Variants in SRGAP1 observed in about 807,000 individuals in gnomAD.
SRGAP1 encodes SLIT-ROBO Rho GTPase activating protein 1.
In SRGAP1, 43 loss-of-function variants were observed where a neutral mutation model predicts 121.9. That is an observed-to-expected ratio of 0.35 (90% CI 0.28 to 0.46). The LOEUF is 0.46. Ranked by LOEUF, SRGAP1 falls within the 20% of genes least tolerant of loss-of-function variation. SRGAP1 has a pLI of 1.00. For synonymous variants in SRGAP1, 447 were observed against 485.4 expected (o/e 0.92, Z 1.04); for missense variants, 1,102 against 1,350.9 (o/e 0.82, Z 2.89).
chr12:64,003,301 G>C (rs1017072246), intron 3 of SRGAP1, among the ~76,000 whole-genome samples: 24 of 151,932 alleles, frequency 1.6e-4, no homozygotes, highest in Admixed American at 1.2e-3. Flanking sequence ...TGCCCAGGCT[G>C]GTCTTGAACT....
intron 1 of SRGAP1, among the ~76,000 whole-genome samples, chr12:63,946,255 T>C (rs1185760471): frequency 6.6e-6 from 1 of 152,066 alleles, no homozygotes; most frequent in African/African-American, 2.4e-5. Flanking sequence ...TGGCCTTAAT[T>C]ATATCTATTT....
rs141967097 is a variant in SRGAP1, at chr12:64,027,856, C to T, written c.489+10844C>T. Among the ~76,000 whole-genome samples the T allele has an allele frequency of 2.0e-3, 303 of 151,554 alleles. 2 individuals are homozygous for T. The highest frequency in any genetic ancestry group is 7.0e-3 in the African/African-American group (288 of 40,954). ...CGAACCACTTTTCATTAAAAGAAAA[C>T]GATTCCATAGCAGCCTTTCCATTTT... On this transcript the variant is annotated intron_variant, in intron 4 of 21. Coordinates refer to ENST00000355086, the MANE Select transcript of SRGAP1 (RefSeq NM_020762.4).
chr12:64,130,510 C>G (rs536058430), intron 21 of SRGAP1, among the ~76,000 whole-genome samples: 2 of 152,178 alleles, frequency 1.3e-5, no homozygotes, highest in Non-Finnish European at 2.9e-5. Context: ...AGAAACTGCA[C>G]CATGTATTGG....
At chr12:64,048,854 A>G (rs2035184273) in intron 6 of SRGAP1, among the ~76,000 whole-genome samples, 1 of 151,794 alleles carries the variant, frequency 6.6e-6, no homozygotes, top group African/African-American at 2.4e-5. Flanking sequence ...CAAATTTTAG[A>G]TTTTTTCCTA....
At position 64,156,900 on chromosome 12, in the gene SRGAP1, G is replaced by A. The variant is rs1228834383; in HGVS notation, c.*14228G>A. 1 of 152,200 alleles carries A rather than the reference G, an allele frequency of 6.6e-6. No individual in the cohort carries two copies. Among genetic ancestry groups the A allele is most frequent in the African/African-American group, 2.4e-5 (1 of 41,452 alleles). 9.4% of individuals were successfully genotyped at this position (152,200 alleles called of 1,614,324 possible). On this transcript the variant is annotated 3_prime_UTR_variant, in exon 22 of 22. Coordinates refer to ENST00000355086, the MANE Select transcript of SRGAP1 (RefSeq NM_020762.4). Reference sequence around the variant, plus strand: ...AGGAAAGATTACCTTCTCTGAAGAAGTGATAGGGGGAATAAGGCATAAAAT... The same window carrying A: ...AGGAAAGATTACCTTCTCTGAAGAAATGATAGGGGGAATAAGGCATAAAAT...
intron 1 of SRGAP1, among the ~76,000 whole-genome samples, chr12:63,866,559 A>G (rs1899639429): frequency 6.6e-6 from 1 of 152,232 alleles, no homozygotes; most frequent in Non-Finnish European, 1.5e-5. Context: ...GTGTATTCCA[A>G]TATCAGACAG....
intron 1 of SRGAP1, among the ~76,000 whole-genome samples, chr12:63,937,059 A>T (rs1434534437): frequency 6.6e-6 from 1 of 152,180 alleles, no homozygotes; most frequent in Non-Finnish European, 1.5e-5. Context: ...GGAGCTAGGG[A>T]TCCAAAGCAG....
intron 18 of SRGAP1, 33 bp from the exon 19 acceptor site, chr12:64,125,944 G>A (rs2136635927): frequency 6.2e-7 from 1 of 1,603,870 alleles, no homozygotes; most frequent in East Asian, 2.2e-5. Context: ...TAACAACCCT[G>A]TTTCTCGCTG....
intron 1 of SRGAP1, among the ~76,000 whole-genome samples, chr12:63,968,783 G>T (rs191586371): frequency 3.6e-4 from 55 of 152,342 alleles, no homozygotes; most frequent in Admixed American, 1.3e-4. Flanking sequence ...TGTGCTGTTG[G>T]CATTCAGGAG....
At position 64,156,366 on chromosome 12, in the gene SRGAP1, T is replaced by G. The variant is rs184869105; in HGVS notation, c.*13694T>G. ...ATAAATTTGTAGATGTTAATATGAT[T>G]TACTTATTTGCAATTTTCATAGCTA... On this transcript the variant is annotated 3_prime_UTR_variant, in exon 22 of 22. Transcript: ENST00000355086. 2.1e-4 allele frequency: 32 copies of G among 152,354 alleles called. No homozygotes were observed. The highest frequency in any genetic ancestry group is 4.0e-4 in the Non-Finnish European group (27 of 68,040). The allele number at this position is 152,354 out of a possible 1,614,324, so 9.4% of individuals were successfully genotyped here.
At chr12:64,028,114 C>T (rs1276239705) in intron 4 of SRGAP1, among the ~76,000 whole-genome samples, 1 of 152,168 alleles carries the variant, frequency 6.6e-6, no homozygotes, top group Non-Finnish European at 1.5e-5. Context: ...ATGTGCTTTC[C>T]CCTTCAACAC....
rs2037143161 is a variant in SRGAP1, at chr12:64,153,858, A to G, written c.*11186A>G. The G allele has an allele frequency of 6.6e-6, 1 of 152,258 alleles. No individual in the cohort carries two copies. The highest frequency in any genetic ancestry group is 2.1e-4 in the South Asian group (1 of 4,836). 9.4% of individuals were successfully genotyped at this position (152,258 alleles called of 1,614,324 possible). A position where few individuals can be genotyped will look rare whatever the true frequency, so the allele number is the denominator to read the frequency against. On this transcript the variant is annotated 3_prime_UTR_variant, in exon 22 of 22. Coordinates refer to ENST00000355086, the MANE Select transcript of SRGAP1 (RefSeq NM_020762.4). ...AAGAGATATTTGCACACTCATGTTCACGCAGCTTAATTCACAATAGCCACA... is the reference window on the plus strand; with the variant it reads ...AAGAGATATTTGCACACTCATGTTCGCGCAGCTTAATTCACAATAGCCACA...
chr12:63,878,742 T>G (rs1471186787), intron 1 of SRGAP1: 1 of 152,244 alleles, frequency 6.6e-6, no homozygotes, highest in Non-Finnish European at 1.5e-5. Context: ...GCTTTACAGT[T>G]GGATAGTCTG....
intron 1 of SRGAP1, among the ~76,000 whole-genome samples, chr12:63,847,355 T>C (rs1376244531): frequency 3.3e-5 from 5 of 151,756 alleles, no homozygotes; most frequent in Non-Finnish European, 5.9e-5. Context: ...GTATATGTAT[T>C]TGGAACAAAC....
chr12:64,034,525 C>A (rs144474031), intron 4 of SRGAP1, among the ~76,000 whole-genome samples: 304 of 152,186 alleles, frequency 2.0e-3, no homozygotes, highest in Non-Finnish European at 3.0e-3. Flanking sequence ...AACAACAATC[C>A]CTCCAATCAT....
At position 64,087,018 on chromosome 12, in the gene SRGAP1, G is replaced by A; in HGVS notation, c.1428G>A (p.Met476Ile). 1.3e-6 allele frequency: 2 copies of A among 1,592,982 alleles called. No homozygotes were observed. The highest frequency in any genetic ancestry group is 1.7e-6 in the Non-Finnish European group (2 of 1,167,496). ...TLGEGHRAEYMTTRPPNVPPK... is the reference protein window; with the variant it reads ...TLGEGHRAEYITTRPPNVPPK... ...CTGCAGGTCATAGAGCTGAATATAT[G>A]ACTACAAGGTAGGAAAATATTTTAT... is the stretch of plus-strand genomic sequence containing the variant. The change falls in exon 11 of 22, where the codon ATG becomes ATA. Residue 476 changes from methionine (M) to isoleucine (I), a missense_variant. Met to Ile is a conservative substitution (Grantham distance 10). This residue lies in a region of SRGAP1 where 747 missense variants were observed against 929.4 expected (regional missense o/e 0.80). Transcript: ENST00000355086.
At chr12:63,903,135 G>A (rs541089486) in intron 1 of SRGAP1, among the ~76,000 whole-genome samples, 14 of 151,966 alleles carry the variant, frequency 9.2e-5, no homozygotes, top group Non-Finnish European at 1.9e-4. Flanking sequence ...TTTTAAGCAC[G>A]CTTTCAAGTA....
At chr12:64,071,763 G>A (rs183815131) in intron 8 of SRGAP1, among the ~76,000 whole-genome samples, 1 of 151,916 alleles carries the variant, frequency 6.6e-6, no homozygotes, top group African/African-American at 2.4e-5. Flanking sequence ...AATGAATTTT[G>A]TTCAAAAACA....
intron 1 of SRGAP1, among the ~76,000 whole-genome samples, chr12:63,930,933 A>G (rs1366295304): frequency 1.3e-5 from 2 of 152,162 alleles, no homozygotes; most frequent in African/African-American, 2.4e-5. Flanking sequence ...TTATCCTTGC[A>G]TGCCTCTTAC....
Sources: gnomAD v4.1 joint callset for allele counts (sites outside exome capture counted in the v4.1 genomes callset) on GRCh38, gnomAD v4.1.1 for gene constraint, gnomAD v4.1.1 regional missense constraint, MANE v1.5 for transcripts, NCBI Gene and HGNC (gene_info 2026-07-23, HGNC 2026-07-21) for gene names.